Variants in SUCO observed in about 807,000 individuals in gnomAD.
SUCO encodes SUN domain containing ossification factor, also known as SUN domain-containing ossification factor.
A neutral mutation model predicts 148.1 loss-of-function variants in SUCO; 57 were observed. The observed-to-expected ratio is 0.38, with a 90% CI of 0.31 to 0.48. SUCO has a LOEUF of 0.48. Ranked by LOEUF, SUCO falls within the 20% of genes least tolerant of loss-of-function variation. The pLI is 0.96. For synonymous variants in SUCO, 470 were observed against 502.7 expected (o/e 0.93, Z 0.87); for missense variants, 1,331 against 1,468.2 (o/e 0.91, Z 1.53).
intron 16 of SUCO, 76 bp from the exon 17 acceptor site, chr1:172,585,775 TCCAAGAA>T: frequency 1.0e-6 from 1 of 980,488 alleles, no homozygotes. Context: ...TTTCTTCTCT[TCCAAGAA>T]ATTTGTTTTA....
intron 19 of SUCO, among the ~76,000 whole-genome samples, chr1:172,591,274 A>AT (rs969307546): frequency 4.1e-4 from 61 of 150,060 alleles, no homozygotes; most frequent in East Asian, 1.6e-3. Context: ...GATTTGTTTA[A>AT]TTTTTTTTTT....
rs1186490934 is a variant in SUCO at position 172,533,437 on chromosome 1, TGAA to T, written c.7_9del (p.Lys3?). On this transcript the variant is annotated start_lost and inframe_deletion, in exon 1 of 24. Transcript: ENST00000263688. ...GGCAGGGGGAAGAAGGAGGAGAAGATGAAGAAGCACCGGCGGGCCTTGGCCCTG... is the reference window on the plus strand; with the variant it reads ...GGCAGGGGGAAGAAGGAGGAGAAGATGAAGCACCGGCGGGCCTTGGCCCTG... 6.4e-7 allele frequency: 1 copy of T among 1,562,430 alleles called. No homozygotes were observed. Among genetic ancestry groups the T allele is most frequent in the Non-Finnish European group, 8.7e-7 (1 of 1,152,992 alleles).
At chr1:172,574,581 A>G (rs1655292061) in intron 10 of SUCO, among the ~76,000 whole-genome samples, 1 of 152,000 alleles carries the variant, frequency 6.6e-6, no homozygotes, top group Admixed American at 6.5e-5. Flanking sequence ...CTATGCACTT[A>G]TTTATTAATT....
intron 8 of SUCO, 187 bp downstream of exon 8, chr1:172,570,358 C>T (rs1318557463): frequency 2.1e-6 from 1 of 487,380 alleles, no homozygotes; most frequent in Non-Finnish European, 3.6e-6. Context: ...ATGTATTTTG[C>T]CCTGCATTTT....
At chr1:172,570,969 A>G (rs938879356) in intron 9 of SUCO, among the ~76,000 whole-genome samples, 2 of 152,204 alleles carry the variant, frequency 1.3e-5, no homozygotes, top group Non-Finnish European at 2.9e-5. Flanking sequence ...TACTGTTGAA[A>G]GGGTGTTATT....
At chr1:172,568,869 C>A in intron 6 of SUCO, 150 bp from the exon 7 acceptor site, 3 of 758,006 alleles carry the variant, frequency 4.0e-6, no homozygotes, top group Admixed American at 4.0e-5. Context: ...TAAACCAAAA[C>A]CTTTCTTTTT....
At chr1:172,565,471 A>G (rs189060715) in intron 6 of SUCO, among the ~76,000 whole-genome samples, 26 of 152,346 alleles carry the variant, frequency 1.7e-4, no homozygotes, top group African/African-American at 5.8e-4. Context: ...AGGAATGTCA[A>G]TGCCAAAAAC....
At position 172,550,939 on chromosome 1, in the gene SUCO, G is replaced by A; in HGVS notation, c.63-573G>A. 3 of 894,972 alleles carry A rather than the reference G, an allele frequency of 3.4e-6. No homozygotes were observed. The African/African-American group carries it at 5.4e-5, about 16-fold the overall frequency. The allele number at this position is 894,972 out of a possible 1,614,324, so 55.4% of individuals were successfully genotyped here. On this transcript the variant is annotated intron_variant, in intron 1 of 23. Coordinates refer to ENST00000263688, the MANE Select transcript of SUCO (RefSeq NM_014283.5). ...TTAACTCTACTTGATAATAATTGTG[G>A]TATATTTCTCCTTTGGTATGTTCCT...
chr1:172,532,553 G>C (rs1304646612), upstream of SUCO: 1 of 1,613,894 alleles, frequency 6.2e-7, no homozygotes, highest in Non-Finnish European at 8.5e-7. Context: ...CACAGGGAAA[G>C]GGCTTGGTGC....
intron 1 of SUCO, among the ~76,000 whole-genome samples, chr1:172,546,240 A>G (rs896596870): frequency 4.6e-5 from 7 of 152,198 alleles, no homozygotes; most frequent in African/African-American, 9.7e-5. Flanking sequence ...ACTGAAGCTC[A>G]TAAGTTGCCC....
At chr1:172,580,890 T>G (rs1655830536) in intron 15 of SUCO, among the ~76,000 whole-genome samples, 1 of 152,082 alleles carries the variant, frequency 6.6e-6, no homozygotes, top group Non-Finnish European at 1.5e-5. Context: ...TGACCTGAGG[T>G]CAGGAGTTTG....
chr1:172,604,603 T>C (rs1300375878), intron 22 of SUCO, among the ~76,000 whole-genome samples: 1 of 151,878 alleles, frequency 6.6e-6, no homozygotes, highest in Non-Finnish European at 1.5e-5. Flanking sequence ...AGTTACATTG[T>C]TGTGAAACAG....
At chr1:172,538,565 A>T (rs78223831) in intron 1 of SUCO, among the ~76,000 whole-genome samples, 7,514 of 152,226 alleles carry the variant, frequency 0.049, 571 homozygotes, top group African/African-American at 0.17. Context: ...TTCTGTCTCT[A>T]AACTTTCAAG....
chr1:172,569,495 T>G, intron 7 of SUCO: 1 of 982,892 alleles, frequency 1.0e-6, no homozygotes, highest in Non-Finnish European at 1.2e-6. Context: ...AAAATATTCT[T>G]TAACTTACCA....
intron 1 of SUCO, among the ~76,000 whole-genome samples, chr1:172,549,808 T>C (rs1006481155): frequency 1.3e-5 from 2 of 151,038 alleles, no homozygotes; most frequent in African/African-American, 4.9e-5. Context: ...AATGGCAGGA[T>C]GCCTAGAAGT....
intron 7 of SUCO, 64 bp downstream of exon 7, chr1:172,569,206 T>A (rs1005968244): frequency 7.8e-7 from 1 of 1,283,274 alleles, no homozygotes; most frequent in African/African-American, 1.5e-5. Flanking sequence ...TAATATGCTT[T>A]CTTTTTTTGA....
intron 6 of SUCO, among the ~76,000 whole-genome samples, chr1:172,567,403 T>C (rs1164959057): frequency 1.3e-5 from 2 of 152,224 alleles, no homozygotes; most frequent in Non-Finnish European, 2.9e-5. Flanking sequence ...CCTTCCTCAG[T>C]ATTCCTTCTC....
At chr1:172,576,357 A>G (rs572228931) in intron 11 of SUCO, among the ~76,000 whole-genome samples, 17 of 151,718 alleles carry the variant, frequency 1.1e-4, no homozygotes, top group Non-Finnish European at 2.2e-4. Flanking sequence ...ACTTATAGCT[A>G]CCTAATTTTG....
chr1:172,533,517 A>G lies in SUCO; in HGVS notation c.62+20A>G. 2.6e-6 allele frequency: 4 copies of G among 1,530,206 alleles called. No homozygotes were observed. Among genetic ancestry groups the G allele is most frequent in the Non-Finnish European group, 3.5e-6 (4 of 1,132,518 alleles). The allele number at this position is 1,530,206 out of a possible 1,614,324, so 94.8% of individuals were successfully genotyped here. ...GGTCTGGTGAGTAGCCGCGACGACA[A>G]GGGAGTTCCCGTGAGGGGAGTAAAT... is the stretch of plus-strand genomic sequence containing the variant. On this transcript the variant is annotated intron_variant, in intron 1 of 23. Transcript: ENST00000263688.
Sources: gnomAD v4.1 joint callset for allele counts (sites outside exome capture counted in the v4.1 genomes callset) on GRCh38, gnomAD v4.1.1 for gene constraint, MANE v1.5 for transcripts, NCBI Gene and HGNC (gene_info 2026-07-23, HGNC 2026-07-21) for gene names.